Variants in RPGRIP1 observed in about 807,000 individuals in gnomAD.
The protein encoded by RPGRIP1 is RPGR interacting protein 1.
In RPGRIP1, 128 loss-of-function variants were observed where a neutral mutation model predicts 157.9. That is an observed-to-expected ratio of 0.81 (90% CI 0.70 to 0.94). The LOEUF (loss-of-function observed/expected upper bound fraction) is 0.94, where lower values mean the gene tolerates loss of function less well. Among genes scored for constraint, RPGRIP1 ranks in the 40% least tolerant of loss-of-function variants. The pLI, the probability that RPGRIP1 is intolerant of heterozygous loss-of-function variation, is 0.00. For missense variants in RPGRIP1, 1,486 were observed against 1,545.8 expected, an observed-to-expected ratio of 0.96 and a Z score of 0.65; for synonymous variants, 554 against 571.6, an observed-to-expected ratio of 0.97 and a Z score of 0.44.
chr14:21,291,000 CAAA>C (rs34237756), intron 2 of RPGRIP1, among the ~76,000 whole-genome samples: 6 of 90,308 alleles, frequency 6.6e-5, no homozygotes, highest in East Asian at 2.9e-4. Flanking sequence ...GACTCCATCT[CAAA>C]AAAAAAAAAA....
Position 21,294,830 on chromosome 14 carries a change from ATTTTTTTTTTTTTTTT to A in RPGRIP1, c.218+38_218+53del, listed in dbSNP as rs746359185. ...AAAAGGTACTTAGAGTTCTCCTTAA[ATTTTTTTTTTTTTTTT>A]TTTTTTTTTTTTTTTTGAGACGGAG... On this transcript the variant is annotated intron_variant, in intron 3 of 24. Transcript: ENST00000400017. 393 of 777,926 alleles carry A rather than the reference ATTTTTTTTTTTTTTTT, an allele frequency of 5.1e-4. 1 individual carries two copies. The African/African-American group carries it at 8.2e-3, about 16-fold the overall frequency. The allele number at this position is 777,926 out of a possible 1,614,324, so 48.2% of individuals were successfully genotyped here.
intron 21 of RPGRIP1, among the ~76,000 whole-genome samples, chr14:21,337,060 G>A (rs576414115): frequency 1.3e-3 from 194 of 152,272 alleles, no homozygotes; most frequent in Admixed American, 2.7e-3. Context: ...GGCATGAAAG[G>A]TAGAGGGGGT....
At chr14:21,335,141 A>G (rs1884210428) in intron 21 of RPGRIP1, among the ~76,000 whole-genome samples, 1 of 152,100 alleles carries the variant, frequency 6.6e-6, no homozygotes, top group Admixed American at 6.6e-5. Context: ...GCTGATGGAA[A>G]ATGCAAATTG....
intron 3 of RPGRIP1, 80 bp downstream of exon 3, chr14:21,294,889 G>A (rs909674828): frequency 5.7e-6 from 7 of 1,217,668 alleles, no homozygotes; most frequent in Admixed American, 3.9e-5. Context: ...CTGTTGCCCA[G>A]GCTGGAATGC....
intron 10 of RPGRIP1, among the ~76,000 whole-genome samples, chr14:21,316,040 AGT>A (rs1465715882): frequency 6.9e-6 from 1 of 144,532 alleles, no homozygotes; most frequent in Non-Finnish European, 1.5e-5. Context: ...GCAGTGGCGC[AGT>A]CTCGGCTCAC....
chr14:21,300,911 C>T (rs1017031319), intron 3 of RPGRIP1, 55 bp from the exon 4 acceptor site: 6 of 1,576,550 alleles, frequency 3.8e-6, no homozygotes, highest in South Asian at 2.3e-5. Context: ...CCAAATAACC[C>T]GTAGAAATAA....
chr14:21,281,143 G>A (rs1194449892), intron 1 of RPGRIP1, among the ~76,000 whole-genome samples: 7 of 151,280 alleles, frequency 4.6e-5, no homozygotes, highest in South Asian at 2.1e-4. Context: ...TCAACCTCCC[G>A]AGTAGCTGGG....
Position 21,326,155 on chromosome 14 carries a change from A to G in RPGRIP1, c.2692A>G (p.Lys898Glu), listed in dbSNP as rs1182119707. 8 of 1,572,758 alleles carry G rather than the reference A, an allele frequency of 5.1e-6. No homozygotes were observed. Among genetic ancestry groups the G allele is most frequent in the Non-Finnish European group, 6.9e-6 (8 of 1,158,766 alleles). ...RARVPLLPLA[K>E]NESIKGDFNL... ...CCGAGTGCCTTTACTGCCTCTTGCA[A>G]AAAATGAATCTATCAAAGGTGGGAG... Residue 898 changes from lysine (K) to glutamate (E), a missense_variant, in exon 17 of 25, where the codon AAA (lysine) becomes GAA (glutamate). Coordinates refer to ENST00000400017, the MANE Select transcript of RPGRIP1 (RefSeq NM_020366.4).
chr14:21,285,102 G>A (rs991526567), intron 1 of RPGRIP1, among the ~76,000 whole-genome samples: 3 of 151,810 alleles, frequency 2.0e-5, no homozygotes, highest in African/African-American at 7.3e-5. Context: ...TAGTGAGAGG[G>A]GACAGACAAT....
intron 1 of RPGRIP1, among the ~76,000 whole-genome samples, chr14:21,281,702 AT>A (rs1235805416): frequency 0.021 from 2,158 of 101,008 alleles, 74 homozygotes; most frequent in African/African-American, 0.079. Context: ...AAAAAAAAAA[AT>A]AAATAATAAT....
chr14:21,293,893 A>C (rs2139142967), intron 2 of RPGRIP1, among the ~76,000 whole-genome samples: 1 of 151,724 alleles, frequency 6.6e-6, no homozygotes, highest in South Asian at 2.1e-4. Flanking sequence ...AAAAAAAAAA[A>C]ATGGAAGAAA....
intron 6 of RPGRIP1, among the ~76,000 whole-genome samples, chr14:21,307,143 G>A (rs985640646): frequency 1.3e-5 from 2 of 151,974 alleles, no homozygotes. Flanking sequence ...TGCAACCTCC[G>A]CCTCCCGCAG....
At chr14:21,282,694 C>T (rs950771038) in intron 1 of RPGRIP1, among the ~76,000 whole-genome samples, 3 of 149,558 alleles carry the variant, frequency 2.0e-5, no homozygotes, top group Non-Finnish European at 3.0e-5. Context: ...ACAGCAAGCT[C>T]CGCCTCCCAG....
chr14:21,335,793 C>T (rs1030339584), intron 21 of RPGRIP1, among the ~76,000 whole-genome samples: 5 of 141,410 alleles, frequency 3.5e-5, no homozygotes, highest in African/African-American at 1.6e-4. Flanking sequence ...GGCGACAGAG[C>T]GAGACTACGT....
In RPGRIP1 at chr14:21,330,531, T is replaced by C. The variant is rs905348612; in HGVS notation, c.3238+144T>C. 10 of 517,424 alleles carry C rather than the reference T, an allele frequency of 1.9e-5. No homozygotes were observed. The African/African-American group carries it at 2.0e-4, about 10-fold the overall frequency. The allele number at this position is 517,424 out of a possible 1,614,324, so 32.1% of individuals were successfully genotyped here. ...AAATACAAAAATTAGCCGGGTATGG[T>C]GGCAGGCGCCTGTAATCCCAGCTAC... On this transcript the variant is annotated intron_variant, in intron 20 of 24. Coordinates refer to ENST00000400017, the MANE Select transcript of RPGRIP1 (RefSeq NM_020366.4).
chr14:21,306,494 T>A (rs1304691649), intron 6 of RPGRIP1, among the ~76,000 whole-genome samples: 1 of 151,840 alleles, frequency 6.6e-6, no homozygotes, highest in Non-Finnish European at 1.5e-5. Flanking sequence ...AGACTCACTC[T>A]GTCACCCAAG....
chr14:21,350,715 G>C (rs1886170167), intron 24 of RPGRIP1, among the ~76,000 whole-genome samples: 1 of 152,128 alleles, frequency 6.6e-6, no homozygotes, highest in Non-Finnish European at 1.5e-5. Flanking sequence ...GTAGTGCCTG[G>C]CATAAGGCAA....
intron 6 of RPGRIP1, 52 bp downstream of exon 6, chr14:21,303,595 G>A: frequency 7.3e-7 from 1 of 1,373,544 alleles, no homozygotes; most frequent in Non-Finnish European, 1.0e-6. Flanking sequence ...AAAAAGCTAA[G>A]AGATTCTTAT....
At position 21,312,792 on chromosome 14, in the gene RPGRIP1, G is replaced by A. The variant is rs569100917; in HGVS notation, c.1151+286G>A. 2.1e-3 allele frequency among the ~76,000 whole-genome samples: 312 copies of A among 151,434 alleles called. 4 individuals are homozygous for A. The highest frequency in any genetic ancestry group is 2.7e-3 in the Non-Finnish European group (185 of 67,874). On this transcript the variant is annotated intron_variant, in intron 10 of 24. Coordinates refer to ENST00000400017, the MANE Select transcript of RPGRIP1 (RefSeq NM_020366.4). Reference sequence around the variant, plus strand: ...CAACCTCTACCTCCCGGGTTCAAACGATTCTCCTGACTCTTCTTCCTTTTT... The same window carrying A: ...CAACCTCTACCTCCCGGGTTCAAACAATTCTCCTGACTCTTCTTCCTTTTT...
Sources: allele counts gnomAD v4.1 joint callset (sites outside exome capture counted in the v4.1 genomes callset), GRCh38; gene constraint gnomAD v4.1.1; transcripts MANE v1.5; gene names NCBI Gene and HGNC (gene_info 2026-07-23, HGNC 2026-07-21).